CD47: variants seen among roughly 807,000 people sequenced by gnomAD.
The protein encoded by CD47 is CD47 molecule, also known as leukocyte surface antigen CD47.
CD47 carries 11 observed loss-of-function variants against 44.6 expected under a neutral mutation model. The observed-to-expected ratio is 0.25, with a 90% CI of 0.16 to 0.41. The LOEUF is 0.41. Ranked by LOEUF, CD47 falls within the 10% of genes least tolerant of loss-of-function variation. The pLI is 1.00. For synonymous variants in CD47, 140 were observed against 136.3 expected (o/e 1.03, Z -0.19); for missense variants, 306 against 386.7 (o/e 0.79, Z 1.75).
chr3:108,059,295 T>C (rs185678043), intron 5 of CD47, among the ~76,000 whole-genome samples, 157 bp downstream of exon 5: 165 of 152,304 alleles, frequency 1.1e-3, no homozygotes, highest in Non-Finnish European at 1.9e-3. Context: ...TTAAAATTAA[T>C]ATGAATGGGA....
chr3:108,057,458 G>A lies in CD47; in HGVS notation c.877+19C>T. On this transcript the variant is annotated intron_variant, in intron 7 of 10. Coordinates refer to ENST00000361309, the MANE Select transcript of CD47 (RefSeq NM_001777.4). The stretch of plus-strand genomic sequence containing the variant: ...TCTGAAATTATTGGCATAGGTTAAT[G>A]AAAATAAGATTGACTTACCCACAAA... 8.7e-7 allele frequency: 1 copy of A among 1,147,384 alleles called. No individual in the cohort carries two copies. The highest frequency in any genetic ancestry group is 1.3e-6 in the Non-Finnish European group (1 of 759,540). The allele number at this position is 1,147,384 out of a possible 1,614,324, so 71.1% of individuals were successfully genotyped here.
chr3:108,057,685 C>A (rs921052933), intron 6 of CD47, 116 bp from the exon 7 acceptor site: 36 of 559,692 alleles, frequency 6.4e-5, no homozygotes, highest in Non-Finnish European at 8.4e-5. Context: ...CAAAAATTAT[C>A]CATATATGTT....
rs2078699705 is a variant in CD47 at position 108,044,999 on chromosome 3, A to G, written c.*2289T>C. 6.6e-6 allele frequency: 1 copy of G among 152,666 alleles called. No homozygotes were observed. Among genetic ancestry groups the G allele is most frequent in the Non-Finnish European group, 1.5e-5 (1 of 68,052 alleles). 9.5% of individuals were successfully genotyped at this position (152,666 alleles called of 1,614,324 possible). On this transcript the variant is annotated 3_prime_UTR_variant, in exon 11 of 11. Coordinates refer to ENST00000361309, the MANE Select transcript of CD47 (RefSeq NM_001777.4). ...GGGAGCCATTACAAATCTGATTTAA[A>G]GAGAAGGAACTGGCCCAATGATGCC... is the stretch of plus-strand genomic sequence containing the variant.
intron 1 of CD47, among the ~76,000 whole-genome samples, chr3:108,090,083 T>C (rs1214762860): frequency 1.3e-5 from 2 of 152,188 alleles, no homozygotes; most frequent in East Asian, 1.9e-4. Context: ...TGGAGGTTAC[T>C]GTCTTCCTAT....
rs1290426511 is a variant in CD47 at position 108,090,963 on chromosome 3, C to A, written c.-55G>T. 4.0e-6 allele frequency: 5 copies of A among 1,251,296 alleles called. No homozygotes were observed. Among genetic ancestry groups the A allele is most frequent in the South Asian group, 3.1e-5 (2 of 64,024 alleles). The allele number at this position is 1,251,296 out of a possible 1,614,324, so 77.5% of individuals were successfully genotyped here. On this transcript the variant is annotated 5_prime_UTR_variant, in exon 1 of 11. Transcript: ENST00000361309. Reference sequence around the variant, plus strand: ...CGCCGCAGGTGTCCGGAGCAGCAGCCGCCGCCGCCGTTACAGGCAGGACCG... The same window carrying A: ...CGCCGCAGGTGTCCGGAGCAGCAGCAGCCGCCGCCGTTACAGGCAGGACCG...
chr3:108,051,556 A>G (rs2078828509), intron 8 of CD47, among the ~76,000 whole-genome samples: 1 of 152,238 alleles, frequency 6.6e-6, no homozygotes, highest in Non-Finnish European at 1.5e-5. Context: ...TCAACTTAGT[A>G]TAGATTTCTC....
chr3:108,057,597 A>G (rs1182233522), intron 6 of CD47, 28 bp from the exon 7 acceptor site: 1 of 1,054,848 alleles, frequency 9.5e-7, no homozygotes, highest in Non-Finnish European at 1.5e-6. Context: ...ATTCTGTATT[A>G]GAAAAGCATA....
intron 1 of CD47, among the ~76,000 whole-genome samples, chr3:108,087,317 G>A (rs1261372118): frequency 6.6e-6 from 1 of 152,098 alleles, no homozygotes; most frequent in East Asian, 1.9e-4. Context: ...TCCACAAGTT[G>A]TACTTAGTTC....
At chr3:108,053,822 C>G (rs960795452) in intron 7 of CD47, 3 of 152,178 alleles carry the variant, frequency 2.0e-5, no homozygotes, top group African/African-American at 7.2e-5. Context: ...AGAAGCCAAC[C>G]TCTTTTTAAA....
intron 1 of CD47, among the ~76,000 whole-genome samples, chr3:108,080,689 T>C (rs985169935): frequency 1.3e-5 from 2 of 151,900 alleles, no homozygotes; most frequent in East Asian, 1.9e-4. Context: ...CCTACTGATA[T>C]ATGTAGAAAA....
chr3:108,085,792 T>A (rs1049113602), intron 1 of CD47, among the ~76,000 whole-genome samples: 1 of 152,106 alleles, frequency 6.6e-6, no homozygotes, highest in African/African-American at 2.4e-5. Context: ...AAGTATAAAT[T>A]CCATAGAAGA....
At position 108,058,364 on chromosome 3, in the gene CD47, C is replaced by T; in HGVS notation, c.757G>A (p.Val253Met). ...GCAATACAGAGACTCAGTCCAACCACAGCGAGGATATAGGCTATCACCTGA... is the reference window on the plus strand; with the variant it reads ...GCAATACAGAGACTCAGTCCAACCATAGCGAGGATATAGGCTATCACCTGA... ...VIQVIAYILA[V>M]VGLSLCIAAC... Residue 253 changes from valine (V) to methionine (M), a missense_variant, in exon 6 of 11, where the codon GTG becomes ATG. Val to Met is a conservative substitution (Grantham distance 21). Coordinates refer to ENST00000361309, the MANE Select transcript of CD47 (RefSeq NM_001777.4). 6.4e-7 allele frequency: 1 copy of T among 1,564,606 alleles called. No homozygotes were observed. The highest frequency in any genetic ancestry group is 8.7e-7 in the Non-Finnish European group (1 of 1,152,738).
rs1316176804 is a variant in CD47, at chr3:108,043,906, T to C, written c.*3382A>G. 1 of 152,654 alleles carries C rather than the reference T, an allele frequency of 6.6e-6. No individual in the cohort carries two copies. The highest frequency in any genetic ancestry group is 1.5e-5 in the Non-Finnish European group (1 of 68,038). The allele number at this position is 152,654 out of a possible 1,614,324, so 9.5% of individuals were successfully genotyped here. A position where few individuals can be genotyped will look rare whatever the true frequency, so the allele number is the denominator to read the frequency against. On this transcript the variant is annotated 3_prime_UTR_variant, in exon 11 of 11. Coordinates refer to ENST00000361309, the MANE Select transcript of CD47 (RefSeq NM_001777.4). ...TCTTCAAAGTTACCTGGATTATCCC[T>C]ATTAGTCACTGAAAATGACCTAACA...
chr3:108,058,055 A>C (rs751143042), intron 6 of CD47, among the ~76,000 whole-genome samples: 1 of 152,196 alleles, frequency 6.6e-6, no homozygotes, highest in Non-Finnish European at 1.5e-5. Context: ...AAAATGGTAC[A>C]GCTATTTTGA....
chr3:108,077,356 G>A (rs1484516857), intron 2 of CD47, among the ~76,000 whole-genome samples: 1 of 151,998 alleles, frequency 6.6e-6, no homozygotes, highest in Non-Finnish European at 1.5e-5. Flanking sequence ...TTGTTTGTTT[G>A]TTGTTTTTTT....
At chr3:108,085,801 GA>G (rs2079509382) in intron 1 of CD47, among the ~76,000 whole-genome samples, 1 of 152,054 alleles carries the variant, frequency 6.6e-6, no homozygotes, top group Admixed American at 6.6e-5. Context: ...TTCCATAGAA[GA>G]AAAATCTAAA....
rs765184100 is a variant in CD47 at position 108,049,626 on chromosome 3, C to T, written c.960G>A (p.Met320Ile). 2 of 1,588,938 alleles carry T rather than the reference C, an allele frequency of 1.3e-6. No homozygotes were observed. The highest frequency in any genetic ancestry group is 2.2e-5 in the South Asian group (2 of 90,582). ...LNAFKESKGM[M>I]NDE ...AGTGCATTTTATACTTACCATCATT[C>T]ATCATTCCTTTTGATTCTTTGAATG... The change falls in exon 10 of 11, where the codon ATG (methionine) becomes ATA (isoleucine). Residue 320 changes from methionine (M) to isoleucine (I), a missense_variant. Met to Ile is a conservative substitution (Grantham distance 10, BLOSUM62 1). This residue lies in a region of CD47 where 131 missense variants were observed against 135.3 expected (regional missense o/e 0.97). Coordinates refer to ENST00000361309, the MANE Select transcript of CD47 (RefSeq NM_001777.4).
intron 3 of CD47, among the ~76,000 whole-genome samples, chr3:108,069,160 A>G (rs1008558437): frequency 4.6e-5 from 7 of 152,220 alleles, no homozygotes; most frequent in Non-Finnish European, 1.0e-4. Flanking sequence ...ACATTTTGCC[A>G]GTATGTATCT....
At chr3:108,059,228 T>C (rs905635066) in intron 5 of CD47, among the ~76,000 whole-genome samples, 2 of 152,204 alleles carry the variant, frequency 1.3e-5, no homozygotes, top group African/African-American at 4.8e-5. Context: ...ATTATGCTGA[T>C]TGGCATCAAA....
Sources: gnomAD v4.1 joint callset for allele counts (sites outside exome capture counted in the v4.1 genomes callset) on GRCh38, gnomAD v4.1.1 for gene constraint, gnomAD v4.1.1 regional missense constraint, MANE v1.5 for transcripts, NCBI Gene and HGNC (gene_info 2026-07-23, HGNC 2026-07-21) for gene names.